Variants in CERCAM observed in about 807,000 individuals in gnomAD.
CERCAM encodes cerebral endothelial cell adhesion molecule.
A neutral mutation model predicts 66.0 loss-of-function variants in CERCAM; 59 were observed. That is an observed-to-expected ratio of 0.89 (90% confidence interval 0.73 to 1.11). CERCAM has a LOEUF of 1.11. Ranked by LOEUF, CERCAM falls within the 50% of genes most tolerant of loss-of-function variation. The pLI is 0.00. For synonymous variants in CERCAM, 318 were observed against 343.6 expected (o/e 0.93, Z 0.83); for missense variants, 840 against 828.3 (o/e 1.01, Z -0.17).
rs1374083082 is a variant in CERCAM, at chr9:128,434,049, AG to A, written c.1204-47del. ...AGGCTGTGAGCTTCAGCGTGGAGGGAGGGGGGTTGTTTAACTCCGAAGAGCC... is the reference window on the plus strand; with the variant it reads ...AGGCTGTGAGCTTCAGCGTGGAGGGAGGGGGTTGTTTAACTCCGAAGAGCC... On this transcript the variant is annotated intron_variant, in intron 9 of 12. Transcript: ENST00000372838. The surrounding 1 kb of genome is among the most constrained non-coding windows in gnomAD (Gnocchi z 4.5). 7 of 1,600,058 alleles carry A rather than the reference AG, an allele frequency of 4.4e-6. No homozygotes were observed. The highest frequency in any genetic ancestry group is 6.0e-6 in the Non-Finnish European group (7 of 1,172,466).
At chr9:128,432,593 C>T (rs1320324411) in intron 9 of CERCAM, among the ~76,000 whole-genome samples, 2 of 151,170 alleles carry the variant, frequency 1.3e-5, no homozygotes, top group Admixed American at 1.3e-4. Context: ...GCCATGTTGG[C>T]CAGGCTGATC....
chr9:128,428,756 G>A lies in CERCAM; in HGVS notation c.887-1G>A. The A allele has an allele frequency of 6.2e-7, 1 of 1,613,936 alleles. No homozygotes were observed. Among genetic ancestry groups the A allele is most frequent in the African/African-American group, 1.3e-5 (1 of 74,984 alleles). On this transcript the variant is annotated splice_acceptor_variant, in intron 6 of 12. Coordinates refer to ENST00000372838, the MANE Select transcript of CERCAM (RefSeq NM_016174.5). LOFTEE classifies it high-confidence loss of function. ...TGCTTGGGGTGTGCTTCCCTTTGCA[G>A]TGGACGGCCCCCGCATGCAGGCCTC...
At position 128,423,136 on chromosome 9, in the gene CERCAM, A is replaced by G. The variant is rs201727194; in HGVS notation, c.309-10A>G. On this transcript the variant is annotated splice_polypyrimidine_tract_variant and intron_variant, in intron 2 of 12. Transcript: ENST00000372838. Reference sequence around the variant, plus strand: ...TACCCCATGGGAACATCTCACCTCTATCCCCTCAGGTTCTACCCAGATGAA... The same window carrying G: ...TACCCCATGGGAACATCTCACCTCTGTCCCCTCAGGTTCTACCCAGATGAA... The G allele has an allele frequency of 2.5e-6, 4 of 1,613,612 alleles. No individual in the cohort carries two copies. Among genetic ancestry groups the G allele is most frequent in the African/African-American group, 2.7e-5 (2 of 75,042 alleles).
chr9:128,429,850 G>A lies in CERCAM; in HGVS notation c.1070+814G>A, dbSNP rs548141542. Among the ~76,000 whole-genome samples the A allele has an allele frequency of 2.1e-4, 32 of 151,692 alleles. No individual in the cohort carries two copies. The South Asian group carries it at 4.0e-3, about 19-fold the overall frequency. ...TCGCCCAGGCCTGGAGTGCAGTGGC[G>A]CAATCTTGGCTCACTGCAACATCCG... On this transcript the variant is annotated intron_variant, in intron 8 of 12. Coordinates refer to ENST00000372838, the MANE Select transcript of CERCAM (RefSeq NM_016174.5).
Position 128,424,292 on chromosome 9 carries a change from C to G in CERCAM, c.561+20C>G. ...CCCCAGGTGAGGCCGGGATGGGGGCCTTGGGTGGACTGAGGTCCTGGAAGG... is the reference window on the plus strand; with the variant it reads ...CCCCAGGTGAGGCCGGGATGGGGGCGTTGGGTGGACTGAGGTCCTGGAAGG... On this transcript the variant is annotated intron_variant, in intron 4 of 12. Transcript: ENST00000372838. 1.2e-6 allele frequency: 2 copies of G among 1,613,410 alleles called. No individual in the cohort carries two copies. The highest frequency in any genetic ancestry group is 1.7e-6 in the Non-Finnish European group (2 of 1,179,634).
intron 9 of CERCAM, chr9:128,431,542 G>A: frequency 1.9e-6 from 1 of 517,856 alleles, no homozygotes; most frequent in Non-Finnish European, 3.4e-6. Context: ...TGAGAACACA[G>A]AGGAGGACAG....
intron 12 of CERCAM, among the ~76,000 whole-genome samples, chr9:128,436,131 C>T (rs1289961736): frequency 2.0e-5 from 3 of 152,246 alleles, no homozygotes; most frequent in Non-Finnish European, 4.4e-5. Context: ...TTTTGGCTCA[C>T]TGCAACCTCT....
chr9:128,420,896 G>T lies in CERCAM; in HGVS notation c.19G>T (p.Ala7Ser). 7.6e-7 allele frequency: 1 copy of T among 1,321,070 alleles called. No individual in the cohort carries two copies. Among genetic ancestry groups the T allele is most frequent in the Non-Finnish European group, 9.6e-7 (1 of 1,038,466 alleles). The allele number at this position is 1,321,070 out of a possible 1,614,324, so 81.8% of individuals were successfully genotyped here. A position where few individuals can be genotyped will look rare whatever the true frequency, so the allele number is the denominator to read the frequency against. MRAARA[A>S]PLLQLLLLLG... is the part of the protein sequence containing the mutation. ...GCCCGCCATGCGCGCTGCCCGCGCC[G>T]CGCCGCTGCTCCAGCTGCTGCTCCT... Residue 7 changes from alanine to serine, a missense_variant, in exon 1 of 13, where the codon GCG becomes TCG. By Grantham distance (99) the Ala-to-Ser change is moderately conservative. Transcript: ENST00000372838. The surrounding 1 kb of genome is among the most constrained non-coding windows in gnomAD (Gnocchi z 5.0).
In CERCAM at chr9:128,435,718, C is replaced by T. The variant is rs1392752601; in HGVS notation, c.1601C>T (p.Ala534Val). 3 of 1,613,662 alleles carry T rather than the reference C, an allele frequency of 1.9e-6. No homozygotes were observed. The East Asian group carries it at 6.7e-5, about 36-fold the overall frequency. ...LVAFSAQPLL[A>V]APTHYAGDAE... ...GCCTTCTCCGCCCAGCCCCTGCTCG[C>T]TGCCCCTACCCACTATGCCGGGGAC... Residue 534 changes from alanine (A) to valine (V), a missense_variant, in exon 12 of 13, where the codon GCT becomes GTT. Transcript: ENST00000372838.
At position 128,424,532 on chromosome 9, in the gene CERCAM, G is replaced by A. The variant is rs150130953; in HGVS notation, c.684G>A (p.Gln228=). ...CCCTGCGGGCTGAAGGGGCAGACCA[G>A]CTTGCTTTCTACCCGCCACATCCCA... ...LASLRAEGAD[Q]LAFYPPHPNY... The change falls in exon 5 of 13, where the codon CAG becomes CAA. Residue 228 remains glutamine, a synonymous_variant. Coordinates refer to ENST00000372838, the MANE Select transcript of CERCAM (RefSeq NM_016174.5). 3 of 1,614,060 alleles carry A rather than the reference G, an allele frequency of 1.9e-6. No homozygotes were observed. Among genetic ancestry groups the A allele is most frequent in the Non-Finnish European group, 1.7e-6 (2 of 1,180,012 alleles).
At chr9:128,430,995 G>T in intron 8 of CERCAM, 176 bp from the exon 9 acceptor site, 2 of 708,932 alleles carry the variant, frequency 2.8e-6, no homozygotes, top group South Asian at 2.1e-5. Context: ...GGCAACAGGG[G>T]CTCCAGTTCC....
At position 128,422,517 on chromosome 9, in the gene CERCAM, G is replaced by A. The variant is rs192522440; in HGVS notation, c.198-351G>A. ...CGGGAGGCGGAGGTTGCAGTGAGTCGAGATCATACCACTGCACTACAGCCT... is the reference window on the plus strand; with the variant it reads ...CGGGAGGCGGAGGTTGCAGTGAGTCAAGATCATACCACTGCACTACAGCCT... On this transcript the variant is annotated intron_variant, in intron 1 of 12. Transcript: ENST00000372838. 18 of 193,698 alleles carry A rather than the reference G, an allele frequency of 9.3e-5. No individual in the cohort carries two copies. The South Asian group carries it at 1.2e-3, about 13-fold the overall frequency. The allele number at this position is 193,698 out of a possible 1,614,324, so 12.0% of individuals were successfully genotyped here.
At chr9:128,424,295 G>A in intron 4 of CERCAM, 23 bp downstream of exon 4, 2 of 1,613,440 alleles carry the variant, frequency 1.2e-6, no homozygotes, top group Non-Finnish European at 1.7e-6. Context: ...TGGGGGCCTT[G>A]GGTGGACTGA....
Position 128,424,415 on chromosome 9 carries a change from C to T in CERCAM, c.567C>T (p.Tyr189=). ...AAAGCATCCCTTTTCCCCAGGGCTA[C>T]TACCGCCGCACAGCCGAGTACTTCC... The part of the protein sequence containing the change: ...NFWCGITPQG[Y]YRRTAEYFPT... Residue 189 remains tyrosine, a synonymous_variant, in exon 5 of 13, where the codon TAC becomes TAT. Coordinates refer to ENST00000372838, the MANE Select transcript of CERCAM (RefSeq NM_016174.5). 1 of 1,614,036 alleles carries T rather than the reference C, an allele frequency of 6.2e-7. No homozygotes were observed. Among genetic ancestry groups the T allele is most frequent in the Non-Finnish European group, 8.5e-7 (1 of 1,180,030 alleles).
At chr9:128,431,340 G>C in intron 9 of CERCAM, 37 bp downstream of exon 9, 1 of 1,611,880 alleles carries the variant, frequency 6.2e-7, no homozygotes, top group Non-Finnish European at 8.5e-7. Flanking sequence ...CAGCCTTCGG[G>C]GAGAACGGGG....
chr9:128,428,127 C>A (rs922496236), intron 5 of CERCAM, among the ~76,000 whole-genome samples, 175 bp from the exon 6 acceptor site: 17 of 152,114 alleles, frequency 1.1e-4, no homozygotes, highest in African/African-American at 3.9e-4. Context: ...GTAGAAAGAC[C>A]CCTTAGATAT....
intron 1 of CERCAM, 66 bp from the exon 2 acceptor site, chr9:128,422,802 T>C: frequency 6.4e-7 from 1 of 1,573,278 alleles, no homozygotes; most frequent in Admixed American, 1.8e-5. Flanking sequence ...TGCTTTGGGG[T>C]CAAGGCTGCC....
intron 12 of CERCAM, 25 bp from the exon 13 acceptor site, chr9:128,436,824 C>T (rs1173295040): frequency 3.3e-5 from 5 of 152,416 alleles, no homozygotes; most frequent in South Asian, 2.1e-4. Flanking sequence ...TTCTCTTTCT[C>T]TTCCTGCTCC....
intron 1 of CERCAM, 142 bp downstream of exon 1, chr9:128,421,216 G>A (rs925504930): frequency 4.9e-6 from 6 of 1,236,370 alleles, no homozygotes; most frequent in Non-Finnish European, 6.1e-6. Context: ...GGCCCTGCCA[G>A]CCCGAGCCGC....
Sources: gnomAD v4.1 joint callset for allele counts (sites outside exome capture counted in the v4.1 genomes callset) on GRCh38, gnomAD v4.1.1 for gene constraint, Gnocchi (gnomAD v3.1) non-coding constraint, MANE v1.5 for transcripts, NCBI Gene and HGNC (gene_info 2026-07-23, HGNC 2026-07-21) for gene names.